The following TRPC5 variants were observed in gnomAD, a reference collection of about 807,000 sequenced individuals.
TRPC5 encodes the protein transient receptor potential cation channel subfamily C member 5, also known as short transient receptor potential channel 5.
In TRPC5, 9 loss-of-function variants were observed where a neutral mutation model predicts 56.5. The ratio of observed to expected loss-of-function variants is 0.16; its 90% CI spans 0.10 to 0.28. The LOEUF is 0.28. TRPC5 is among the 10% of genes least tolerant of loss of function. The pLI is 1.00. For synonymous variants in TRPC5, 282 were observed against 278.5 expected (o/e 1.01, Z -0.13); for missense variants, 469 against 748.9 (o/e 0.63, Z 4.36).
At chrX:111,878,314 GA>G (rs907243194) in intron 3 of TRPC5, among the ~76,000 whole-genome samples, 63 of 104,923 alleles carry the variant, frequency 6.0e-4, no homozygotes, top group Non-Finnish European at 9.6e-4. Flanking sequence ...AAAAGAAAAA[GA>G]AAAAAAAAAC....
At chrX:112,033,875 AC>A (rs1194612732) in intron 1 of TRPC5, among the ~76,000 whole-genome samples, 2 of 111,361 alleles carry the variant, frequency 1.8e-5, no homozygotes, top group Non-Finnish European at 1.9e-5. Flanking sequence ...TTTGAGCAAG[AC>A]CCCCATCTCA....
chrX:112,058,700 G>C (rs187966322), intron 1 of TRPC5, among the ~76,000 whole-genome samples: 38 of 112,124 alleles, frequency 3.4e-4, no homozygotes, highest in African/African-American at 1.0e-3. Flanking sequence ...TCAGAAAAGC[G>C]ATGTGACTTG....
chrX:111,888,808 G>A (rs1481873779), intron 3 of TRPC5, among the ~76,000 whole-genome samples: 1 of 110,044 alleles, frequency 9.1e-6, no homozygotes, highest in East Asian at 2.8e-4. Context: ...GTGAGATGTA[G>A]ATGATAGTGT....
intron 2 of TRPC5, among the ~76,000 whole-genome samples, chrX:111,942,478 AG>A (rs1926807764): frequency 8.9e-6 from 1 of 111,738 alleles, no homozygotes. Flanking sequence ...GTGGGGTGGT[AG>A]AAAGAGTAGC....
chrX:112,028,621 C>T (rs1205744903), intron 1 of TRPC5, among the ~76,000 whole-genome samples: 1 of 112,176 alleles, frequency 8.9e-6, no homozygotes, highest in East Asian at 2.8e-4. Flanking sequence ...TTTTTTATGG[C>T]TGCATAGTAC....
intron 10 of TRPC5, among the ~76,000 whole-genome samples, chrX:111,777,380 C>T (rs1945887209): frequency 9.0e-6 from 1 of 110,961 alleles, no homozygotes; most frequent in Non-Finnish European, 1.9e-5. Flanking sequence ...GCTTTTAAGA[C>T]TCTAACGAGT....
intron 1 of TRPC5, among the ~76,000 whole-genome samples, chrX:112,066,979 C>T (rs1310125910): frequency 1.8e-5 from 2 of 111,968 alleles, no homozygotes; most frequent in Non-Finnish European, 3.8e-5. Context: ...AATTATACAG[C>T]CCGGCATCTT....
intron 1 of TRPC5, among the ~76,000 whole-genome samples, chrX:112,036,578 T>A (rs1462996935): frequency 8.9e-6 from 1 of 112,233 alleles, no homozygotes; most frequent in Non-Finnish European, 1.9e-5. Context: ...AGTTTCCTAA[T>A]GTGTAGGAAG....
At chrX:111,817,736 C>A (rs910253556) in intron 7 of TRPC5, among the ~76,000 whole-genome samples, 4 of 111,529 alleles carry the variant, frequency 3.6e-5, no homozygotes, top group Non-Finnish European at 5.6e-5. Flanking sequence ...GAAATTACTT[C>A]TCTAGGGTCA....
intron 1 of TRPC5, among the ~76,000 whole-genome samples, chrX:111,993,889 A>C (rs941678133): frequency 9.8e-5 from 11 of 111,965 alleles, no homozygotes; most frequent in Non-Finnish European, 1.9e-4. Context: ...TTTGCTGTGC[A>C]GAAGCTCTTT....
Position 112,025,190 on chromosome X carries a change from G to GA in TRPC5, c.-22+56688dup, listed in dbSNP as rs201147298. On this transcript the variant is annotated intron_variant, in intron 1 of 10. Coordinates refer to ENST00000262839, the MANE Select transcript of TRPC5 (RefSeq NM_012471.3). The stretch of plus-strand genomic sequence containing the variant: ...TTGGAAGTGGGTACCCAGATATTAT[G>GA]AAAAAAGTCTAGCTGCAGATAATCA... 1.3e-3 allele frequency among the ~76,000 whole-genome samples: 143 copies of GA among 111,930 alleles called. No homozygotes were observed. The East Asian group carries it at 0.038, about 29-fold the overall frequency.
At chrX:112,067,244 C>CTGCAAGGA (rs1930606399) in intron 1 of TRPC5, among the ~76,000 whole-genome samples, 2 of 112,611 alleles carry the variant, frequency 1.8e-5, no homozygotes, top group Non-Finnish European at 1.9e-5. Context: ...TCCCCAATAG[C>CTGCAAGGA]CTCTAGCCAG....
At position 111,771,773 on chromosome X, in the gene TRPC5, C is replaced by CT. The variant is rs35353450; in HGVS notation, c.*4539dup. The stretch of plus-strand genomic sequence containing the variant: ...CAGGTAAGTTATTCTGACCTAAATG[C>CT]TTTTTTTTTTTTTAAACAAAACCAG... On this transcript the variant is annotated 3_prime_UTR_variant, in exon 11 of 11. Coordinates refer to ENST00000262839, the MANE Select transcript of TRPC5 (RefSeq NM_012471.3). Among the ~76,000 whole-genome samples, 4,686 of 101,319 alleles carry CT rather than the reference C, an allele frequency of 0.046. 134 individuals are homozygous for CT. Among genetic ancestry groups the CT allele is most frequent in the African/African-American group, 0.099 (2,792 of 28,163 alleles). 88.0% of individuals were successfully genotyped at this position (101,319 alleles called of 115,157 possible).
chrX:112,035,093 A>ATTTT (rs764233585), intron 1 of TRPC5, among the ~76,000 whole-genome samples: 1 of 104,277 alleles, frequency 9.6e-6, no homozygotes, highest in African/African-American at 3.7e-5. Flanking sequence ...TTTTTTTAAA[A>ATTTT]AAAAAAAAAT....
chrX:111,999,268 C>T (rs910869669), intron 1 of TRPC5, among the ~76,000 whole-genome samples: 1 of 111,579 alleles, frequency 9.0e-6, no homozygotes, highest in Admixed American at 9.5e-5. Flanking sequence ...ACACCCTAGT[C>T]CCCCCTGCCC....
intron 7 of TRPC5, among the ~76,000 whole-genome samples, chrX:111,827,278 C>T (rs1227185644): frequency 9.0e-6 from 1 of 111,188 alleles, no homozygotes; most frequent in Non-Finnish European, 1.9e-5. Flanking sequence ...TCTCTCCACA[C>T]TCACTCCTTA....
intron 2 of TRPC5, among the ~76,000 whole-genome samples, chrX:111,933,600 CAT>C (rs958446012): frequency 7.2e-5 from 8 of 111,621 alleles, no homozygotes; most frequent in Non-Finnish European, 1.1e-4. Context: ...CAAAAACACT[CAT>C]GTGTTTTCAT....
At chrX:111,975,100 C>G (rs185042272) in intron 1 of TRPC5, among the ~76,000 whole-genome samples, 1 of 110,891 alleles carries the variant, frequency 9.0e-6, no homozygotes, top group African/African-American at 3.3e-5. Context: ...GACCTTGATG[C>G]TCTGCACAAA....
chrX:111,804,643 GCTCT>G (rs1921435228), intron 7 of TRPC5, among the ~76,000 whole-genome samples: 1 of 111,140 alleles, frequency 9.0e-6, no homozygotes, highest in African/African-American at 3.3e-5. Flanking sequence ...TCATGATTTG[GCTCT>G]CTGTTTGTCT....
Sources: gnomAD v4.1 joint callset for allele counts (sites outside exome capture counted in the v4.1 genomes callset) on GRCh38, gnomAD v4.1.1 for gene constraint, MANE v1.5 for transcripts, NCBI Gene and HGNC (gene_info 2026-07-23, HGNC 2026-07-21) for gene names.